Variants in TNPO3 observed in about 807,000 individuals in gnomAD.
TNPO3 encodes the protein transportin 3.
Under a neutral mutation model 122.8 loss-of-function variants are expected in TNPO3, and 65 were observed. The ratio of observed to expected loss-of-function variants is 0.53; its 90% CI spans 0.43 to 0.65. TNPO3 has a LOEUF of 0.65. Among genes scored for constraint, TNPO3 ranks in the 30% least tolerant of loss-of-function variants. The probability of loss-of-function intolerance (pLI) is 0.00; values close to 1 mark genes in which losing one functional copy is unlikely to be tolerated. For synonymous variants in TNPO3, 372 were observed against 411.2 expected, an observed-to-expected ratio of 0.90 and a Z score of 1.15; for missense variants, 850 against 1,136.7, an observed-to-expected ratio of 0.75 and a Z score of 3.63.
intron 1 of TNPO3, among the ~76,000 whole-genome samples, chr7:129,019,576 G>A (rs756109009): frequency 1.1e-3 from 168 of 152,256 alleles, no homozygotes; most frequent in Non-Finnish European, 1.4e-3. Flanking sequence ...TAGGCTGGGC[G>A]TGTGGCTCAT....
At chr7:129,034,768 G>T (rs113826021) in intron 1 of TNPO3, among the ~76,000 whole-genome samples, 3,576 of 150,916 alleles carry the variant, frequency 0.024, 68 homozygotes, top group East Asian at 0.064. Context: ...GGTGGTGGGC[G>T]CCTGTAGTCC....
intron 12 of TNPO3, among the ~76,000 whole-genome samples, chr7:128,985,787 G>C (rs1160276505): frequency 6.6e-6 from 1 of 151,952 alleles, no homozygotes; most frequent in African/African-American, 2.4e-5. Flanking sequence ...AAAAACCCAA[G>C]GTACAAAAAG....
chr7:128,984,938 G>C (rs1440596588), intron 12 of TNPO3, among the ~76,000 whole-genome samples: 1 of 152,150 alleles, frequency 6.6e-6, no homozygotes, highest in Admixed American at 6.5e-5. Context: ...GAGGCAGTTA[G>C]GTTCAAGTGG....
At chr7:129,026,547 C>T (rs897713351) in intron 1 of TNPO3, among the ~76,000 whole-genome samples, 1 of 151,908 alleles carries the variant, frequency 6.6e-6, no homozygotes, top group Non-Finnish European at 1.5e-5. Context: ...GGATTACAGG[C>T]ATGTGCCACC....
chr7:128,972,045 A>G (rs1798542863), intron 19 of TNPO3, among the ~76,000 whole-genome samples: 1 of 152,158 alleles, frequency 6.6e-6, no homozygotes, highest in South Asian at 2.1e-4. Context: ...AGTCCTGGCT[A>G]CTCAGTAGCT....
chr7:128,957,705 A>G (rs1797032538), intron 21 of TNPO3, among the ~76,000 whole-genome samples: 1 of 152,218 alleles, frequency 6.6e-6, no homozygotes, highest in African/African-American at 2.4e-5. Flanking sequence ...GCAGTGAACA[A>G]AATAGTATTC....
At chr7:129,027,558 C>CAAAAAAAAAAAAAA (rs71162549) in intron 1 of TNPO3, among the ~76,000 whole-genome samples, 6 of 8,970 alleles carry the variant, frequency 6.7e-4, no homozygotes, top group East Asian at 4.7e-3. Flanking sequence ...AAGACTGTCT[C>CAAAAAAAAAAAAAA]AAAAAAAAAA....
chr7:129,046,493 C>A (rs571812430), intron 1 of TNPO3, among the ~76,000 whole-genome samples: 20 of 152,182 alleles, frequency 1.3e-4, no homozygotes, highest in African/African-American at 4.8e-4. Flanking sequence ...TAAGCACACA[C>A]AAAAAATGCC....
chr7:128,979,137 A>C lies in TNPO3; in HGVS notation c.1921-14T>G. The stretch of plus-strand genomic sequence containing the variant: ...AACTGGCCATATCTGGGTCAAAAGT[A>C]AAAGAGCACAAGAAAGAAAATAATC... On this transcript the variant is annotated splice_polypyrimidine_tract_variant and intron_variant, in intron 15 of 22. Coordinates refer to ENST00000265388, the MANE Select transcript of TNPO3 (RefSeq NM_012470.4). 1 of 1,613,486 alleles carries C rather than the reference A, an allele frequency of 6.2e-7. No homozygotes were observed. The highest frequency in any genetic ancestry group is 8.5e-7 in the Non-Finnish European group (1 of 1,179,626).
chr7:128,992,217 G>T, intron 9 of TNPO3, 127 bp from the exon 10 acceptor site: 1 of 490,528 alleles, frequency 2.0e-6, no homozygotes, highest in Non-Finnish European at 3.6e-6. Flanking sequence ...TCTCAAGCCA[G>T]ATGAGAATAT....
intron 1 of TNPO3, among the ~76,000 whole-genome samples, chr7:129,045,659 A>G (rs1268965244): frequency 1.3e-5 from 2 of 152,204 alleles, no homozygotes; most frequent in Non-Finnish European, 2.9e-5. Flanking sequence ...TGGAAAAACT[A>G]TTGTAATTAG....
intron 4 of TNPO3, among the ~76,000 whole-genome samples, chr7:129,007,140 A>G (rs778590037): frequency 1.3e-5 from 2 of 152,318 alleles, no homozygotes; most frequent in South Asian, 2.1e-4. Flanking sequence ...GTATTAAATC[A>G]TTTAATCCCC....
chr7:129,048,845 G>A (rs906144521), intron 1 of TNPO3, among the ~76,000 whole-genome samples: 2 of 152,316 alleles, frequency 1.3e-5, no homozygotes, highest in African/African-American at 4.8e-5. Flanking sequence ...AAGAACCTGT[G>A]TGTGAAGTGT....
At chr7:129,018,299 G>C in intron 1 of TNPO3, 142 bp from the exon 2 acceptor site, 1 of 783,844 alleles carries the variant, frequency 1.3e-6, no homozygotes, top group Non-Finnish European at 2.0e-6. Flanking sequence ...CAGTAATTCA[G>C]CCAACAGTTC....
intron 1 of TNPO3, among the ~76,000 whole-genome samples, chr7:129,035,891 T>A (rs1806590095): frequency 6.6e-6 from 1 of 151,308 alleles, no homozygotes; most frequent in Non-Finnish European, 1.5e-5. Context: ...TACTAAAAAC[T>A]AAGACAAAAT....
intron 4 of TNPO3, among the ~76,000 whole-genome samples, chr7:129,011,476 T>A (rs144405798): frequency 0.013 from 2,031 of 152,296 alleles, 34 homozygotes; most frequent in African/African-American, 0.046. Flanking sequence ...CCCGAGTAGC[T>A]GGGACTACAG....
chr7:128,997,521 T>C lies in TNPO3; in HGVS notation c.1026A>G (p.Ser342=), dbSNP rs758155974. 3 of 1,613,774 alleles carry C rather than the reference T, an allele frequency of 1.9e-6. No homozygotes were observed. The highest frequency in any genetic ancestry group is 1.3e-5 in the African/African-American group (1 of 75,046). ...GHPQYEVVEI[S]FNFWYRLGEH... is the part of the protein sequence containing the mutation. Reference sequence around the variant, plus strand: ...CCCCCAGTCGGTACCAAAAGTTAAATGAAATTTCTACTACCTGTTAGGTTA... The same window carrying C: ...CCCCCAGTCGGTACCAAAAGTTAAACGAAATTTCTACTACCTGTTAGGTTA... Residue 342 remains serine (S), a synonymous_variant, in exon 8 of 23, where the codon TCA becomes TCG. Coordinates refer to ENST00000265388, the MANE Select transcript of TNPO3 (RefSeq NM_012470.4).
At chr7:129,027,942 A>C (rs6963638) in intron 1 of TNPO3, among the ~76,000 whole-genome samples, 95 of 152,352 alleles carry the variant, frequency 6.2e-4, no homozygotes, top group African/African-American at 2.3e-3. Flanking sequence ...AGGCCACAAA[A>C]TAAGTCTTAA....
chr7:128,955,937 C>A (rs1376397738), intron 22 of TNPO3, among the ~76,000 whole-genome samples: 2 of 152,144 alleles, frequency 1.3e-5, no homozygotes, highest in Non-Finnish European at 2.9e-5. Context: ...TGTTGAACCT[C>A]AATTTCCTCA....
Sources: gnomAD v4.1 joint callset for allele counts (sites outside exome capture counted in the v4.1 genomes callset) on GRCh38, gnomAD v4.1.1 for gene constraint, MANE v1.5 for transcripts, NCBI Gene and HGNC (gene_info 2026-07-23, HGNC 2026-07-21) for gene names.